Variants in N4BP2L2 observed in about 807,000 individuals in gnomAD.
The protein encoded by N4BP2L2 is NEDD4-binding protein 2-like 2.
Under a neutral mutation model 56.2 loss-of-function variants are expected in N4BP2L2, and 50 were observed. The ratio of observed to expected loss-of-function variants is 0.89; its 90% CI spans 0.71 to 1.13. N4BP2L2 has a LOEUF of 1.13. Among genes scored for constraint, N4BP2L2 ranks in the 50% most tolerant of loss-of-function variants. The pLI is 0.00. For synonymous variants in N4BP2L2, 203 were observed against 223.6 expected (o/e 0.91, Z 0.82); for missense variants, 689 against 693.8 (o/e 0.99, Z 0.08).
chr13:32,517,744 A>C, exon 6 of N4BP2L2: 2 of 1,587,682 alleles, frequency 1.3e-6, no homozygotes, highest in Non-Finnish European at 1.7e-6. Context: ...ACTCCAAGAC[A>C]GGCTCACTAA....
intron 6 of N4BP2L2, among the ~76,000 whole-genome samples, chr13:32,481,861 T>G (rs1196233186): frequency 6.6e-6 from 1 of 152,248 alleles, no homozygotes. Context: ...CCCTGTCATA[T>G]TCTAGCCTTG....
chr13:32,497,981 C>G (rs574749090), intron 6 of N4BP2L2, among the ~76,000 whole-genome samples: 91 of 152,178 alleles, frequency 6.0e-4, no homozygotes, highest in African/African-American at 2.0e-3. Flanking sequence ...AAATTAGACA[C>G]AGTAATTTTT....
At chr13:32,502,823 T>G (rs1758439545) in intron 6 of N4BP2L2, among the ~76,000 whole-genome samples, 2 of 152,108 alleles carry the variant, frequency 1.3e-5, no homozygotes, top group Non-Finnish European at 2.9e-5. Context: ...ACTATATACT[T>G]CTCGATGAAA....
At chr13:32,482,576 G>C (rs1490913605) in intron 6 of N4BP2L2, among the ~76,000 whole-genome samples, 1 of 151,396 alleles carries the variant, frequency 6.6e-6, no homozygotes, top group Non-Finnish European at 1.5e-5. Flanking sequence ...ATGTTGGCCA[G>C]GCTGGTCTCA....
Position 32,505,242 on chromosome 13 carries a change from ACTTC to A in N4BP2L2, c.365+12611_365+12614del, listed in dbSNP as rs1427706656. The A allele has an allele frequency of 2.0e-5, 3 of 152,124 alleles. No homozygotes were observed. In the South Asian group the frequency reaches 6.2e-4, roughly 32 times the overall value. 9.4% of individuals were successfully genotyped at this position (152,124 alleles called of 1,614,324 possible). ...TATAGAATCTCAAGAAATCCAACAG[ACTTC>A]CTTCATTTTTATCCCTCTGTTCCCT... On this transcript the variant is annotated intron_variant, in intron 6 of 9. Transcript: ENST00000357505.
chr13:32,511,010 AT>A (rs974545678), exon 6 of N4BP2L2: 10 of 152,102 alleles, frequency 6.6e-5, no homozygotes, highest in South Asian at 4.2e-4. Flanking sequence ...TTAAAAAAAA[AT>A]AATACAGGGT....
chr13:32,496,369 G>A (rs2010997), intron 6 of N4BP2L2, among the ~76,000 whole-genome samples: 54,936 of 151,838 alleles, frequency 0.36, 10,624 homozygotes, highest in Non-Finnish European at 0.43. Flanking sequence ...TAAGACCACC[G>A]CCTTACAATT....
intron 6 of N4BP2L2, among the ~76,000 whole-genome samples, chr13:32,468,669 T>C (rs190998585): frequency 6.6e-6 from 1 of 152,238 alleles, no homozygotes; most frequent in East Asian, 1.9e-4. Context: ...ACTCGGTGAG[T>C]TTAGGGTGCA....
At chr13:32,481,118 CAA>C (rs60854435) in intron 6 of N4BP2L2, among the ~76,000 whole-genome samples, 20 of 20,708 alleles carry the variant, frequency 9.7e-4, no homozygotes, top group African/African-American at 3.3e-3. Flanking sequence ...GACTCTGTCT[CAA>C]AAAAAAAAAA....
At chr13:32,513,160 T>A (rs1214802770) in exon 6 of N4BP2L2, 1 of 152,244 alleles carries the variant, frequency 6.6e-6, no homozygotes, top group Non-Finnish European at 1.5e-5. Flanking sequence ...GCCATTCTTT[T>A]ACATGTTTTC....
At chr13:32,467,726 C>T (rs958149548) in intron 6 of N4BP2L2, among the ~76,000 whole-genome samples, 6 of 151,406 alleles carry the variant, frequency 4.0e-5, no homozygotes, top group Non-Finnish European at 7.4e-5. Flanking sequence ...TGGTGGCTCA[C>T]GCTTGTAATC....
chr13:32,520,078 A>C (rs954202713), intron 5 of N4BP2L2, among the ~76,000 whole-genome samples: 2 of 152,168 alleles, frequency 1.3e-5, no homozygotes, highest in Non-Finnish European at 1.5e-5. Flanking sequence ...ACAGCATACA[A>C]ATCAGAAAAA....
intron 6 of N4BP2L2, among the ~76,000 whole-genome samples, chr13:32,482,738 T>C (rs150907737): frequency 1.1e-4 from 17 of 152,272 alleles, no homozygotes; most frequent in African/African-American, 4.1e-4. Flanking sequence ...GCTTCTACTC[T>C]GAATCCCAGA....
intron 6 of N4BP2L2, among the ~76,000 whole-genome samples, chr13:32,467,311 GC>G (rs1177413175): frequency 8.6e-5 from 13 of 151,338 alleles, no homozygotes; most frequent in African/African-American, 2.9e-4. Context: ...AGGCTGGAGT[GC>G]TGTGGCACAA....
chr13:32,435,420 A>G (rs2075361595), intron 9 of N4BP2L2, among the ~76,000 whole-genome samples: 1 of 151,702 alleles, frequency 6.6e-6, no homozygotes, highest in Non-Finnish European at 1.5e-5. Context: ...TTTTAGTAGA[A>G]ACGGGGTTTT....
chr13:32,444,569 C>G (rs1054286366), intron 6 of N4BP2L2, among the ~76,000 whole-genome samples: 5 of 152,066 alleles, frequency 3.3e-5, no homozygotes, highest in African/African-American at 9.7e-5. Context: ...GCTGGCCATA[C>G]TTTGTACTAT....
chr13:32,507,904 G>A (rs1322239664), downstream of N4BP2L2: 1 of 152,146 alleles, frequency 6.6e-6, no homozygotes, highest in African/African-American at 2.4e-5. Context: ...GAGAAATGAT[G>A]AGACCACATA....
rs2050886416 is a variant in N4BP2L2, at chr13:32,521,467, A to G, written c.1474-18T>C. On this transcript the variant is annotated intron_variant, in intron 4 of 5. Coordinates refer to ENST00000267068, the Ensembl canonical transcript of N4BP2L2. Reference sequence around the variant, plus strand: ...CCTATGGCCTACACAAAGGAAAGGAAGAAAACAAAAACCCAGAGAAGTACT... The same window carrying G: ...CCTATGGCCTACACAAAGGAAAGGAGGAAAACAAAAACCCAGAGAAGTACT... 1.9e-6 allele frequency: 3 copies of G among 1,564,032 alleles called. No individual in the cohort carries two copies. The highest frequency in any genetic ancestry group is 2.6e-6 in the Non-Finnish European group (3 of 1,152,146).
intron 6 of N4BP2L2, among the ~76,000 whole-genome samples, chr13:32,453,748 TA>T (rs2078497472): frequency 6.6e-6 from 1 of 152,232 alleles, no homozygotes; most frequent in Admixed American, 6.5e-5. Flanking sequence ...TACAGATTTT[TA>T]GTACCAAGGG....
Sources: allele counts gnomAD v4.1 joint callset (sites outside exome capture counted in the v4.1 genomes callset), GRCh38; gene constraint gnomAD v4.1.1; transcripts MANE v1.5; gene names NCBI Gene and HGNC (gene_info 2026-07-23, HGNC 2026-07-21).